UBLCP1: variants seen among roughly 807,000 people sequenced by gnomAD.
UBLCP1 encodes ubiquitin-like domain-containing CTD phosphatase 1.
UBLCP1 carries 28 observed loss-of-function variants against 42.4 expected under a neutral mutation model. That is an observed-to-expected ratio of 0.66 (90% CI 0.49 to 0.90). The LOEUF (loss-of-function observed/expected upper bound fraction) is 0.90, where lower values mean the gene tolerates loss of function less well. Among genes scored for constraint, UBLCP1 ranks in the 40% least tolerant of loss-of-function variants. The pLI is 0.00. For missense variants in UBLCP1, 279 were observed against 374.5 expected (o/e 0.75, Z 2.10); for synonymous variants, 122 against 120.8 (o/e 1.01, Z -0.07).
chr5:159,270,260 C>G (rs1753447770), intron 3 of UBLCP1, 100 bp from the exon 4 acceptor site: 1 of 1,038,144 alleles, frequency 9.6e-7, no homozygotes, highest in Non-Finnish European at 1.4e-6. Flanking sequence ...TTAAAAGACT[C>G]TGGAACTCAA....
chr5:159,275,203 C>T lies in UBLCP1; in HGVS notation c.641C>T (p.Ala214Val). ...NYKITFMLDS[A>V]AMITVHTPRR... ...AAGATTACTTTCATGTTGGATAGTG[C>T]TGCTATGATAACAGTACATACTCCA... Residue 214 changes from alanine (A) to valine (V), a missense_variant, in exon 8 of 11, where the codon GCT becomes GTT. Physicochemically the swap from Ala to Val is moderately conservative, Grantham distance 64. Transcript: ENST00000296786. The T allele has an allele frequency of 6.2e-7, 1 of 1,613,086 alleles. No individual in the cohort carries two copies. Among genetic ancestry groups the T allele is most frequent in the Non-Finnish European group, 8.5e-7 (1 of 1,179,754 alleles).
At chr5:159,275,641 T>C (rs1305845772) in intron 8 of UBLCP1, among the ~76,000 whole-genome samples, 3 of 152,120 alleles carry the variant, frequency 2.0e-5, no homozygotes, top group Non-Finnish European at 4.4e-5. Context: ...CTCGATCTCC[T>C]GACCTCGTGA....
Sources: gnomAD v4.1 joint callset for allele counts (sites outside exome capture counted in the v4.1 genomes callset) on GRCh38, gnomAD v4.1.1 for gene constraint, MANE v1.5 for transcripts, NCBI Gene and HGNC (gene_info 2026-07-23, HGNC 2026-07-21) for gene names.